The following MYO1E variants were observed in gnomAD, a reference collection of about 807,000 sequenced individuals.
The protein encoded by MYO1E is unconventional myosin-Ie.
Under a neutral mutation model 151.1 loss-of-function variants are expected in MYO1E, and 68 were observed. The observed-to-expected ratio is 0.45, with a 90% CI of 0.37 to 0.55. The LOEUF is 0.55. Ranked by LOEUF, MYO1E falls within the 20% of genes least tolerant of loss-of-function variation. MYO1E has a pLI of 0.00. For synonymous variants in MYO1E, 601 were observed against 501.7 expected, an observed-to-expected ratio of 1.20 and a Z score of -2.64; for missense variants, 1,363 against 1,389.3, an observed-to-expected ratio of 0.98 and a Z score of 0.30.
At chr15:59,275,367 A>G (rs1385983506) in intron 1 of MYO1E, among the ~76,000 whole-genome samples, 2 of 152,072 alleles carry the variant, frequency 1.3e-5, no homozygotes, top group African/African-American at 4.8e-5. Flanking sequence ...TAGGTCACAT[A>G]TCAGTTTCTG....
intron 1 of MYO1E, among the ~76,000 whole-genome samples, chr15:59,299,980 G>A (rs1279639000): frequency 6.6e-6 from 1 of 152,126 alleles, no homozygotes; most frequent in Admixed American, 6.5e-5. Flanking sequence ...ATCTGGCAAA[G>A]GTTTTAAATA....
At chr15:59,167,368 C>G (rs2079568562) in intron 22 of MYO1E, among the ~76,000 whole-genome samples, 2 of 152,064 alleles carry the variant, frequency 1.3e-5, no homozygotes, top group East Asian at 1.9e-4. Context: ...TCAGAGACCC[C>G]CAAATAAGAG....
At chr15:59,292,761 G>A (rs141206903) in intron 1 of MYO1E, among the ~76,000 whole-genome samples, 10 of 152,336 alleles carry the variant, frequency 6.6e-5, no homozygotes, top group Non-Finnish European at 1.3e-4. Context: ...CGAAATGAGC[G>A]TGGGTCTACC....
At chr15:59,245,437 A>T (rs1239551480) in intron 4 of MYO1E, among the ~76,000 whole-genome samples, 1 of 152,172 alleles carries the variant, frequency 6.6e-6, no homozygotes, top group Non-Finnish European at 1.5e-5. Context: ...TCTCTTACTC[A>T]ATCAGTCAGC....
At chr15:59,216,489 T>C (rs1248122359) in intron 10 of MYO1E, among the ~76,000 whole-genome samples, 1 of 150,062 alleles carries the variant, frequency 6.7e-6, no homozygotes, top group Non-Finnish European at 1.5e-5. Flanking sequence ...ACAGAGATTG[T>C]TACTGGCAGC....
intron 17 of MYO1E, among the ~76,000 whole-genome samples, chr15:59,191,299 C>T (rs1284800974): frequency 1.4e-5 from 2 of 145,418 alleles, no homozygotes; most frequent in Non-Finnish European, 3.0e-5. Context: ...ACTAAATATC[C>T]ACCTTTGCCC....
At chr15:59,363,214 T>TG (rs1217215778) in intron 1 of MYO1E, among the ~76,000 whole-genome samples, 2 of 152,182 alleles carry the variant, frequency 1.3e-5, no homozygotes, top group Non-Finnish European at 2.9e-5. Context: ...CCTGACCTCG[T>TG]GATCCACCCG....
At chr15:59,301,336 T>C (rs1242369172) in intron 1 of MYO1E, among the ~76,000 whole-genome samples, 1 of 151,160 alleles carries the variant, frequency 6.6e-6, no homozygotes, top group Admixed American at 6.6e-5. Context: ...ATTTATACTA[T>C]AGCAACTTGT....
chr15:59,171,858 G>A (rs778299966), intron 22 of MYO1E, 39 bp downstream of exon 22: 68 of 1,613,584 alleles, frequency 4.2e-5, no homozygotes, highest in Middle Eastern at 1.7e-4. Flanking sequence ...ATGCTGAGGC[G>A]AGAAGGGGCA....
chr15:59,305,899 G>T (rs953879180), intron 1 of MYO1E, among the ~76,000 whole-genome samples: 1 of 152,126 alleles, frequency 6.6e-6, no homozygotes, highest in Admixed American at 6.5e-5. Flanking sequence ...GGCCCATAAG[G>T]ATGAGGACAG....
chr15:59,161,371 G>GCTCCTGGTGT, intron 23 of MYO1E, 141 bp from the exon 24 acceptor site: 2 of 977,006 alleles, frequency 2.0e-6, no homozygotes, highest in Non-Finnish European at 3.0e-6. Context: ...GCAGGGCCCT[G>GCTCCTGGTGT]AGGATGCGCA....
At chr15:59,289,307 T>G (rs543472433) in intron 1 of MYO1E, among the ~76,000 whole-genome samples, 1 of 152,358 alleles carries the variant, frequency 6.6e-6, no homozygotes, top group African/African-American at 2.4e-5. Flanking sequence ...CAGGCATTTA[T>G]ATAATTTGAA....
At chr15:59,291,682 TAAAAAAAAAAAAAAA>T (rs1182076268) in intron 1 of MYO1E, among the ~76,000 whole-genome samples, 1 of 7,802 alleles carries the variant, frequency 1.3e-4, no homozygotes, top group African/African-American at 2.8e-4. Flanking sequence ...CTAAAAATAC[TAAAAAAAAAAAAAAA>T]AAAAAAAAAA....
intron 22 of MYO1E, among the ~76,000 whole-genome samples, chr15:59,164,058 A>G (rs1396970811): frequency 6.6e-6 from 1 of 152,194 alleles, no homozygotes; most frequent in African/African-American, 2.4e-5. Flanking sequence ...GTTACAAGCT[A>G]TAGGGTGATG....
At chr15:59,356,780 A>G (rs2080855387) in intron 1 of MYO1E, among the ~76,000 whole-genome samples, 1 of 151,852 alleles carries the variant, frequency 6.6e-6, no homozygotes, top group South Asian at 2.1e-4. Flanking sequence ...TGTTGCCCAG[A>G]CTGGTCCTGA....
At position 59,182,208 on chromosome 15, in the gene MYO1E, C is replaced by CT. The variant is rs570398459; in HGVS notation, c.1905-3672dup. Among the ~76,000 whole-genome samples, 19 of 151,666 alleles carry CT rather than the reference C, an allele frequency of 1.3e-4. No individual in the cohort carries two copies. The East Asian group carries it at 2.1e-3, about 17-fold the overall frequency. ...AAACTTTGATTCTCCTCCCAGTATTCTTTTTTTTTATTTTTATTTTTGAGA... is the reference window on the plus strand; with the variant it reads ...AAACTTTGATTCTCCTCCCAGTATTCTTTTTTTTTTATTTTTATTTTTGAGA... On this transcript the variant is annotated intron_variant, in intron 18 of 27. Coordinates refer to ENST00000288235, the MANE Select transcript of MYO1E (RefSeq NM_004998.4).
chr15:59,298,750 A>G (rs753245928), intron 1 of MYO1E, among the ~76,000 whole-genome samples: 4 of 152,258 alleles, frequency 2.6e-5, no homozygotes, highest in Admixed American at 6.5e-5. Flanking sequence ...AACATGAGTG[A>G]AAAGGATGGA....
chr15:59,226,795 A>T (rs1423009459), intron 7 of MYO1E, among the ~76,000 whole-genome samples: 1 of 152,250 alleles, frequency 6.6e-6, no homozygotes, highest in Non-Finnish European at 1.5e-5. Flanking sequence ...CAAGAGAGCA[A>T]GACACTGTCT....
At chr15:59,329,868 A>G (rs539252960) in intron 1 of MYO1E, among the ~76,000 whole-genome samples, 5 of 152,222 alleles carry the variant, frequency 3.3e-5, no homozygotes, top group Non-Finnish European at 5.9e-5. Flanking sequence ...TAATTTACCA[A>G]TGACTGTAAA....
Sources: allele counts gnomAD v4.1 joint callset (sites outside exome capture counted in the v4.1 genomes callset), GRCh38; gene constraint gnomAD v4.1.1; transcripts MANE v1.5; gene names NCBI Gene and HGNC (gene_info 2026-07-23, HGNC 2026-07-21).